Variants in ADK observed in about 807,000 individuals in gnomAD.
The protein encoded by ADK is adenosine kinase, also known as N6,N6-dimethyladenosine kinase.
In ADK, 24 loss-of-function variants were observed where a neutral mutation model predicts 44.7. That is an observed-to-expected ratio of 0.54 (90% confidence interval 0.39 to 0.76). ADK has a LOEUF of 0.76. Ranked by LOEUF, ADK falls within the 30% of genes least tolerant of loss-of-function variation. The pLI is 0.00. For missense variants in ADK, 321 were observed against 425.1 expected (o/e 0.76, Z 2.15); for synonymous variants, 128 against 142.6 (o/e 0.90, Z 0.73).
chr10:74,231,363 C>A (rs1382234478), intron 3 of ADK, among the ~76,000 whole-genome samples: 2 of 152,172 alleles, frequency 1.3e-5, no homozygotes. Flanking sequence ...ACTTTGTCAT[C>A]ATTGGAGCCC....
chr10:74,657,026 G>GTTTT (rs1314839172), intron 9 of ADK, among the ~76,000 whole-genome samples: 1 of 142,480 alleles, frequency 7.0e-6, no homozygotes. Context: ...TACCTAGCTA[G>GTTTT]TTTTTTTTTT....
At chr10:74,354,790 T>A (rs1842079301) in intron 4 of ADK, among the ~76,000 whole-genome samples, 1 of 152,230 alleles carries the variant, frequency 6.6e-6, no homozygotes, top group South Asian at 2.1e-4. Context: ...ATCACTCCAC[T>A]TTAATGTATT....
chr10:74,437,454 C>G (rs538876128), intron 6 of ADK, among the ~76,000 whole-genome samples: 1 of 152,254 alleles, frequency 6.6e-6, no homozygotes, highest in South Asian at 2.1e-4. Context: ...TTTAATACAT[C>G]TCTGTATATG....
intron 2 of ADK, among the ~76,000 whole-genome samples, chr10:74,221,374 T>G (rs1202892521): frequency 6.7e-6 from 1 of 150,122 alleles, no homozygotes; most frequent in Non-Finnish European, 1.5e-5. Context: ...TAAAAGAGGA[T>G]ACAAACAAAT....
intron 4 of ADK, among the ~76,000 whole-genome samples, chr10:74,364,369 T>G (rs1393402197): frequency 6.6e-6 from 1 of 152,218 alleles, no homozygotes; most frequent in Non-Finnish European, 1.5e-5. Context: ...TAGTTCACAC[T>G]TCTTTATCTC....
chr10:74,588,022 A>T (rs1851589161), intron 7 of ADK, among the ~76,000 whole-genome samples: 1 of 152,088 alleles, frequency 6.6e-6, no homozygotes, highest in Non-Finnish European at 1.5e-5. Context: ...TTACCCTGTC[A>T]TCTTATATTA....
chr10:74,390,363 T>A (rs529574557), intron 4 of ADK, among the ~76,000 whole-genome samples: 2 of 152,276 alleles, frequency 1.3e-5, no homozygotes, highest in South Asian at 4.1e-4. Flanking sequence ...AAATTATTGT[T>A]ATTCTTTAAA....
At chr10:74,580,279 A>C (rs529494431) in intron 7 of ADK, among the ~76,000 whole-genome samples, 1 of 152,228 alleles carries the variant, frequency 6.6e-6, no homozygotes, top group African/African-American at 2.4e-5. Flanking sequence ...GATGGTTTTA[A>C]AAAGAGGAGT....
At chr10:74,552,836 T>G (rs1036970631) in intron 7 of ADK, among the ~76,000 whole-genome samples, 15 of 152,102 alleles carry the variant, frequency 9.9e-5, no homozygotes, top group African/African-American at 3.6e-4. Context: ...AGGATGAACA[T>G]TATTAATCAT....
chr10:74,434,876 T>C (rs1472715324), intron 6 of ADK, among the ~76,000 whole-genome samples: 1 of 152,200 alleles, frequency 6.6e-6, no homozygotes, highest in Non-Finnish European at 1.5e-5. Context: ...TCATCAGATT[T>C]CTCATTGAAC....
At chr10:74,179,200 A>T (rs1842451710) in intron 1 of ADK, among the ~76,000 whole-genome samples, 1 of 152,246 alleles carries the variant, frequency 6.6e-6, no homozygotes, top group African/African-American at 2.4e-5. Context: ...TGAGTTGGTC[A>T]TCCTACAGAT....
rs74800715 is a variant in ADK, at chr10:74,576,574, C to G, written c.727-12708C>G. On this transcript the variant is annotated intron_variant, in intron 7 of 10. Transcript: ENST00000539909. ...GAGATCAAGTCCTATTCAAAAAGGT[C>G]AAGAAGAAAGACTGAGGTTGGTGAC... Among the ~76,000 whole-genome samples, 1,425 of 152,090 alleles carry G rather than the reference C, an allele frequency of 9.4e-3. 24 individuals carry two copies. The highest frequency in any genetic ancestry group is 0.033 in the African/African-American group (1,351 of 41,484).
chr10:74,628,441 G>A (rs549364763), intron 9 of ADK, among the ~76,000 whole-genome samples: 1 of 151,862 alleles, frequency 6.6e-6, no homozygotes, highest in African/African-American at 2.4e-5. Context: ...GGTTGAATAG[G>A]AAAGTCTGTA....
rs1312310866 is a variant in ADK, at chr10:74,532,280, C to A, written c.726+6854C>A. 2.0e-5 allele frequency among the ~76,000 whole-genome samples: 3 copies of A among 151,916 alleles called. No homozygotes were observed. In the East Asian group the frequency reaches 5.8e-4, roughly 29 times the overall value. ...ATTGGTGAGGGTCAGGAGTTTGAGA[C>A]CAGCCTGGCCAACATTGCAAAACCT... On this transcript the variant is annotated intron_variant, in intron 7 of 10. Coordinates refer to ENST00000539909, the MANE Select transcript of ADK (RefSeq NM_006721.4).
chr10:74,360,584 A>T (rs1280855084), intron 4 of ADK, among the ~76,000 whole-genome samples: 2 of 151,798 alleles, frequency 1.3e-5, no homozygotes, highest in Non-Finnish European at 2.9e-5. Flanking sequence ...TTCCCTTTGT[A>T]TCTAATAATA....
intron 7 of ADK, chr10:74,527,505 G>A: frequency 3.3e-6 from 2 of 608,496 alleles, no homozygotes; most frequent in Admixed American, 2.7e-5. Context: ...AGGAGAGAAT[G>A]TGGAGGGACC....
At chr10:74,421,104 A>T (rs1844540815) in intron 6 of ADK, among the ~76,000 whole-genome samples, 1 of 152,174 alleles carries the variant, frequency 6.6e-6, no homozygotes, top group South Asian at 2.1e-4. Context: ...ATCTAATTGT[A>T]TTACAAATGT....
At chr10:74,673,473 G>C (rs1855258532) in intron 10 of ADK, among the ~76,000 whole-genome samples, 1 of 152,160 alleles carries the variant, frequency 6.6e-6, no homozygotes, top group African/African-American at 2.4e-5. Context: ...TCACAGGAGG[G>C]TGAGCACACG....
intron 9 of ADK, among the ~76,000 whole-genome samples, chr10:74,631,250 A>T (rs996693287): frequency 2.0e-5 from 3 of 150,102 alleles, no homozygotes; most frequent in Non-Finnish European, 4.4e-5. Flanking sequence ...GTGTGTGTGT[A>T]TGTGTGTGAT....
Sources: allele counts gnomAD v4.1 joint callset (sites outside exome capture counted in the v4.1 genomes callset), GRCh38; gene constraint gnomAD v4.1.1; transcripts MANE v1.5; gene names NCBI Gene and HGNC (gene_info 2026-07-23, HGNC 2026-07-21).